The following CLMP variants were observed in gnomAD, a reference collection of about 807,000 sequenced individuals.
CLMP encodes CXADR-like membrane protein.
Under a neutral mutation model 45.2 loss-of-function variants are expected in CLMP, and 27 were observed. The observed-to-expected ratio is 0.60, with a 90% CI of 0.44 to 0.82. The LOEUF is 0.82. CLMP is among the 40% of genes least tolerant of loss of function. CLMP has a pLI of 0.00. For synonymous variants in CLMP, 167 were observed against 171.4 expected, an observed-to-expected ratio of 0.97 and a Z score of 0.20; for missense variants, 403 against 448.4, an observed-to-expected ratio of 0.90 and a Z score of 0.91.
At chr11:123,114,462 T>C (rs183758201) in intron 1 of CLMP, among the ~76,000 whole-genome samples, 24,232 of 122,790 alleles carry the variant, frequency 0.2, 2,490 homozygotes, top group Admixed American at 0.25. Context: ...CTCCCTCCCT[T>C]CCTTCCTTCC....
intron 1 of CLMP, among the ~76,000 whole-genome samples, chr11:123,150,597 G>T: frequency 7.1e-6 from 1 of 141,754 alleles, no homozygotes; most frequent in East Asian, 2.2e-4. Flanking sequence ...AAGGAAGGAA[G>T]GAAGGAATGA....
chr11:123,132,015 C>T (rs11219009), intron 1 of CLMP, among the ~76,000 whole-genome samples: 21,418 of 152,086 alleles, frequency 0.14, 1,894 homozygotes, highest in East Asian at 0.25. Flanking sequence ...GTTTAAAGCA[C>T]GTTGTATAAA....
rs570931743 is a variant in CLMP, at chr11:123,183,755, G to C, written c.28+11158C>G. Reference sequence around the variant, plus strand: ...GCCTTACCTGGCAACCATCTTTCAGGGAAAGCTCACTGACTGCCCACCCGA... The same window carrying C: ...GCCTTACCTGGCAACCATCTTTCAGCGAAAGCTCACTGACTGCCCACCCGA... On this transcript the variant is annotated intron_variant, in intron 1 of 6. Transcript: ENST00000448775. Among the ~76,000 whole-genome samples the C allele has an allele frequency of 6.6e-5, 10 of 152,198 alleles. No individual in the cohort carries two copies. In the East Asian group the frequency reaches 1.9e-3, roughly 29 times the overall value.
At chr11:123,093,754 G>T (rs1865959884) in intron 2 of CLMP, among the ~76,000 whole-genome samples, 1 of 149,304 alleles carries the variant, frequency 6.7e-6, no homozygotes, top group African/African-American at 2.5e-5. Context: ...CATCAATTTA[G>T]TCCTTTTGCA....
chr11:123,169,186 T>C (rs1186257304), intron 1 of CLMP, among the ~76,000 whole-genome samples: 1 of 152,144 alleles, frequency 6.6e-6, no homozygotes, highest in Non-Finnish European at 1.5e-5. Flanking sequence ...GAGATTTTGC[T>C]TTGGCTCTGA....
At chr11:123,111,840 C>T (rs1860643453) in intron 1 of CLMP, among the ~76,000 whole-genome samples, 1 of 152,198 alleles carries the variant, frequency 6.6e-6, no homozygotes, top group African/African-American at 2.4e-5. Flanking sequence ...ACGTACACTA[C>T]TTTAATAACT....
At chr11:123,121,933 G>A (rs1364853607) in intron 1 of CLMP, among the ~76,000 whole-genome samples, 2 of 152,004 alleles carry the variant, frequency 1.3e-5, no homozygotes, top group Non-Finnish European at 2.9e-5. Context: ...TTGTAGAGAT[G>A]GGGTTTTGCC....
At chr11:123,084,067 A>G (rs1372361619) in intron 3 of CLMP, among the ~76,000 whole-genome samples, 1 of 152,142 alleles carries the variant, frequency 6.6e-6, no homozygotes, top group African/African-American at 2.4e-5. Flanking sequence ...TGCTGTTTTA[A>G]TTTTTGGGGC....
At chr11:123,148,820 ACTT>A (rs1396359274) in intron 1 of CLMP, among the ~76,000 whole-genome samples, 1 of 152,162 alleles carries the variant, frequency 6.6e-6, no homozygotes, top group Non-Finnish European at 1.5e-5. Flanking sequence ...TATGAGCAAG[ACTT>A]CTTCTCCAAC....
Position 123,146,527 on chromosome 11 carries a change from A to G in CLMP, c.28+48386T>C, listed in dbSNP as rs73612417. Among the ~76,000 whole-genome samples the G allele has an allele frequency of 2.4e-3, 363 of 152,206 alleles. 3 individuals are homozygous for G. The highest frequency in any genetic ancestry group is 8.4e-3 in the African/African-American group (348 of 41,530). On this transcript the variant is annotated intron_variant, in intron 1 of 6. Coordinates refer to ENST00000448775, the MANE Select transcript of CLMP (RefSeq NM_024769.5). ...GGGAGTTAGATGTGCAGACCCACCT[A>G]CAAGTAGAGGTCGGCCCACTCCTCA...
rs199985664 is a variant in CLMP at position 123,073,633 on chromosome 11, G to T, written c.963C>A (p.Asp321Glu). 2.5e-6 allele frequency: 4 copies of T among 1,614,232 alleles called. No homozygotes were observed. The East Asian group carries it at 8.9e-5, about 36-fold the overall frequency. ...ASRSQRTLST[D>E]AAPQPGLATQ... The stretch of plus-strand genomic sequence containing the variant: ...TGGCCAGCCCTGGCTGGGGTGCTGC[G>T]TCAGTTGACAGTGTCCGCTGGCTGC... The change falls in exon 7 of 7, where the codon GAC becomes GAA. Residue 321 changes from aspartate to glutamate, a missense_variant. Asp to Glu is a conservative substitution (Grantham distance 45, BLOSUM62 2). Coordinates refer to ENST00000448775, the MANE Select transcript of CLMP (RefSeq NM_024769.5).
intron 1 of CLMP, among the ~76,000 whole-genome samples, chr11:123,111,372 C>T (rs913315408): frequency 3.9e-5 from 6 of 152,060 alleles, no homozygotes; most frequent in Non-Finnish European, 8.8e-5. Flanking sequence ...CTCAGGTGAT[C>T]GGCCCACCGC....
intron 2 of CLMP, 65 bp downstream of exon 2, chr11:123,097,729 AG>A: frequency 7.9e-7 from 1 of 1,268,028 alleles, no homozygotes; most frequent in Non-Finnish European, 1.1e-6. Flanking sequence ...AAAGACTGGA[AG>A]ACTGAAGAAA....
At chr11:123,136,496 G>A in intron 1 of CLMP, 1 of 318,718 alleles carries the variant, frequency 3.1e-6, no homozygotes, top group Admixed American at 4.9e-5. Flanking sequence ...AGGCCAAGAT[G>A]GAAGTCTATG....
chr11:123,173,137 G>A (rs1346403186), intron 1 of CLMP, among the ~76,000 whole-genome samples: 1 of 152,222 alleles, frequency 6.6e-6, no homozygotes, highest in Non-Finnish European at 1.5e-5. Context: ...AAGCAGATAT[G>A]GTTTGCTTTA....
At chr11:123,174,159 C>G (rs1035642481) in intron 1 of CLMP, among the ~76,000 whole-genome samples, 2 of 152,160 alleles carry the variant, frequency 1.3e-5, no homozygotes, top group Non-Finnish European at 2.9e-5. Context: ...TTAACCTTAA[C>G]CTTTCCACCT....
intron 1 of CLMP, among the ~76,000 whole-genome samples, chr11:123,113,561 T>C (rs1208210210): frequency 2.6e-5 from 4 of 152,188 alleles, no homozygotes; most frequent in Non-Finnish European, 5.9e-5. Context: ...GCCTTAGTGA[T>C]TAGCAAACCA....
At chr11:123,164,629 A>T (rs1479006812) in intron 1 of CLMP, among the ~76,000 whole-genome samples, 1 of 151,910 alleles carries the variant, frequency 6.6e-6, no homozygotes, top group Non-Finnish European at 1.5e-5. Flanking sequence ...TAAATGAATG[A>T]AAAACTAATC....
At chr11:123,187,362 C>T (rs1861849332) in intron 1 of CLMP, among the ~76,000 whole-genome samples, 5 of 152,218 alleles carry the variant, frequency 3.3e-5, no homozygotes. Context: ...TGAGAAGTGA[C>T]AGAGGTTGGG....
Sources: gnomAD v4.1 joint callset for allele counts (sites outside exome capture counted in the v4.1 genomes callset) on GRCh38, gnomAD v4.1.1 for gene constraint, MANE v1.5 for transcripts, NCBI Gene and HGNC (gene_info 2026-07-23, HGNC 2026-07-21) for gene names.